PIK3C2G: variants seen among roughly 807,000 people sequenced by gnomAD.
PIK3C2G encodes phosphatidylinositol 3-kinase C2 domain-containing subunit gamma.
PIK3C2G carries 168 observed loss-of-function variants against 181.1 expected under a neutral mutation model. The observed-to-expected ratio is 0.93, with a 90% CI of 0.82 to 1.05. The LOEUF (loss-of-function observed/expected upper bound fraction) is 1.05. Ranked by LOEUF, PIK3C2G falls within the 50% of genes least tolerant of loss-of-function variation. The pLI is 0.00. For synonymous variants in PIK3C2G, 573 were observed against 592.2 expected, an observed-to-expected ratio of 0.97 and a Z score of 0.47; for missense variants, 1,869 against 1,732.8, an observed-to-expected ratio of 1.08 and a Z score of -1.40.
chr12:18,269,821 T>C (rs1290216019), intron 1 of PIK3C2G, among the ~76,000 whole-genome samples: 1 of 152,048 alleles, frequency 6.6e-6, no homozygotes, highest in Non-Finnish European at 1.5e-5. Context: ...ATTAATGGAT[T>C]ACAGGATACA....
Position 18,273,843 on chromosome 12 carries a change from A to C in PIK3C2G, c.-78-8161A>C, listed in dbSNP as rs1261517974. On this transcript the variant is annotated intron_variant, in intron 1 of 32. Transcript: ENST00000538779. ...CTAAATAGCTTCTGCAGAGCAAAAG[A>C]AACTACCATCAGAGTGAACAGGCAA... Among the ~76,000 whole-genome samples, 4 of 152,190 alleles carry C rather than the reference A, an allele frequency of 2.6e-5. No homozygotes were observed. In the East Asian group the frequency reaches 7.7e-4, roughly 29 times the overall value.
intron 8 of PIK3C2G, among the ~76,000 whole-genome samples, chr12:18,329,127 A>T (rs1377800582): frequency 2.0e-5 from 3 of 151,912 alleles, no homozygotes; most frequent in Non-Finnish European, 4.4e-5. Flanking sequence ...GAAGAAGTAT[A>T]AAAAAATTAA....
At chr12:18,390,829 T>G (rs2138047181) in intron 14 of PIK3C2G, among the ~76,000 whole-genome samples, 1 of 152,290 alleles carries the variant, frequency 6.6e-6, no homozygotes, top group South Asian at 2.1e-4. Context: ...TGTAACATAT[T>G]AATCTTTATG....
At chr12:18,281,770 G>A (rs569920771) in intron 1 of PIK3C2G, among the ~76,000 whole-genome samples, 53 of 152,024 alleles carry the variant, frequency 3.5e-4, no homozygotes, top group African/African-American at 1.2e-3. Context: ...TAAAATTGAC[G>A]TGAACTTATT....
chr12:18,591,399 G>C (rs979455466), intron 29 of PIK3C2G, among the ~76,000 whole-genome samples: 5 of 151,864 alleles, frequency 3.3e-5, no homozygotes, highest in Admixed American at 6.6e-5. Flanking sequence ...TTGAAGAGGA[G>C]CATAAGGGAA....
At chr12:18,545,832 G>C (rs753509280) in intron 25 of PIK3C2G, among the ~76,000 whole-genome samples, 1 of 151,872 alleles carries the variant, frequency 6.6e-6, no homozygotes, top group Non-Finnish European at 1.5e-5. Context: ...ATCACTTACA[G>C]TTTTGTGGAG....
intron 31 of PIK3C2G, among the ~76,000 whole-genome samples, chr12:18,620,201 T>A (rs1948788150): frequency 6.6e-6 from 1 of 152,164 alleles, no homozygotes; most frequent in Non-Finnish European, 1.5e-5. Flanking sequence ...TTACTAATTA[T>A]CTGTATACTA....
intron 26 of PIK3C2G, among the ~76,000 whole-genome samples, chr12:18,546,873 A>T (rs188470845): frequency 6.6e-6 from 1 of 152,028 alleles, no homozygotes; most frequent in African/African-American, 2.4e-5. Context: ...TCTATTTTTT[A>T]TTAAACAAGT....
At chr12:18,333,650 C>T (rs1224396035) in intron 8 of PIK3C2G, among the ~76,000 whole-genome samples, 1 of 152,142 alleles carries the variant, frequency 6.6e-6, no homozygotes, top group African/African-American at 2.4e-5. Context: ...AGCCAAGCTG[C>T]ATTTCAAAGC....
chr12:18,357,157 A>C (rs1940818900), intron 11 of PIK3C2G, among the ~76,000 whole-genome samples: 1 of 152,134 alleles, frequency 6.6e-6, no homozygotes, highest in African/African-American at 2.4e-5. Flanking sequence ...ATTTTAAAAG[A>C]CCTGTTTGCT....
chr12:18,701,606 A>ATCC, the PIK3C2G span: 31,860 of 1,510,976 alleles, frequency 0.021, 51 homozygotes, highest in Non-Finnish European at 0.024. Flanking sequence ...CTTTGAATTT[A>ATCC]TCCTCCTCCT....
At chr12:18,435,984 CT>C (rs1007836222) in intron 18 of PIK3C2G, among the ~76,000 whole-genome samples, 2 of 151,810 alleles carry the variant, frequency 1.3e-5, no homozygotes, top group African/African-American at 2.4e-5. Context: ...AAAAAAAACC[CT>C]GATTCAACTG....
the PIK3C2G span, among the ~76,000 whole-genome samples, chr12:18,654,291 A>G: frequency 1.7e-5 from 1 of 59,348 alleles, no homozygotes; most frequent in Non-Finnish European, 3.1e-5. Flanking sequence ...AAACACTAGT[A>G]CCTAAAAAAA....
At chr12:18,421,297 T>C (rs1002524909) in intron 17 of PIK3C2G, among the ~76,000 whole-genome samples, 2 of 152,032 alleles carry the variant, frequency 1.3e-5, no homozygotes, top group African/African-American at 4.8e-5. Flanking sequence ...ATGCTCATGA[T>C]ACAAATTTAT....
intron 16 of PIK3C2G, among the ~76,000 whole-genome samples, chr12:18,418,967 A>T (rs984411835): frequency 6.6e-6 from 1 of 152,112 alleles, no homozygotes; most frequent in Non-Finnish European, 1.5e-5. Flanking sequence ...GGGGCAAAAT[A>T]TTACCTTTAA....
chr12:18,507,829 G>T (rs534765187), intron 24 of PIK3C2G, among the ~76,000 whole-genome samples: 1 of 152,238 alleles, frequency 6.6e-6, no homozygotes, highest in South Asian at 2.1e-4. Context: ...AAAAAGTAAA[G>T]AAAAGATTAT....
intron 29 of PIK3C2G, among the ~76,000 whole-genome samples, chr12:18,569,047 G>C (rs189437533): frequency 6.6e-6 from 1 of 152,196 alleles, no homozygotes; most frequent in Non-Finnish European, 1.5e-5. Flanking sequence ...GAGGCAGCTT[G>C]TGTCCCAACC....
At chr12:18,677,471 G>A in the PIK3C2G span, among the ~76,000 whole-genome samples, 7 of 152,032 alleles carry the variant, frequency 4.6e-5, no homozygotes, top group Admixed American at 1.3e-4. Flanking sequence ...CAGACTGCTT[G>A]GCCAGACCTT....
intron 18 of PIK3C2G, among the ~76,000 whole-genome samples, chr12:18,487,977 G>C (rs915018468): frequency 6.6e-6 from 1 of 152,094 alleles, no homozygotes; most frequent in African/African-American, 2.4e-5. Context: ...GTAGTCCAGG[G>C]GAGGTGCTCG....
Sources: allele counts gnomAD v4.1 joint callset (sites outside exome capture counted in the v4.1 genomes callset), GRCh38; gene constraint gnomAD v4.1.1; transcripts MANE v1.5; gene names NCBI Gene and HGNC (gene_info 2026-07-23, HGNC 2026-07-21).